PRR16: variants seen among roughly 807,000 people sequenced by gnomAD.
The protein encoded by PRR16 is protein Largen.
In PRR16, 6 loss-of-function variants were observed where a neutral mutation model predicts 18.2. The observed-to-expected ratio is 0.33, with a 90% CI of 0.18 to 0.65. The LOEUF is 0.65. Among genes scored for constraint, PRR16 ranks in the 30% least tolerant of loss-of-function variants. The pLI is 0.74. For synonymous variants in PRR16, 151 were observed against 147.8 expected (o/e 1.02, Z -0.16); for missense variants, 412 against 376.6 (o/e 1.09, Z -0.78).
At chr5:120,743,681 T>C in the PRR16 span, among the ~76,000 whole-genome samples, 1 of 152,142 alleles carries the variant, frequency 6.6e-6, no homozygotes, top group Non-Finnish European at 1.5e-5. Flanking sequence ...ACTTTTACTT[T>C]TTGCTGTATT....
chr5:120,504,580 G>A lies in PRR16; in HGVS notation c.159+39935G>A, dbSNP rs1321674827. Among the ~76,000 whole-genome samples the A allele has an allele frequency of 4.6e-5, 7 of 152,086 alleles. No individual in the cohort carries two copies. In the East Asian group the frequency reaches 9.6e-4, roughly 21 times the overall value. On this transcript the variant is annotated intron_variant, in intron 1 of 1. Coordinates refer to ENST00000407149, the MANE Select transcript of PRR16 (RefSeq NM_001300783.2). ...AAAAGAGCAGTGAGTCGCCCTTCACGGGGTTGACATGGGCGGTGATCATTG... is the reference window on the plus strand; with the variant it reads ...AAAAGAGCAGTGAGTCGCCCTTCACAGGGTTGACATGGGCGGTGATCATTG...
chr5:120,614,018 TCACA>T (rs1754421724), intron 1 of PRR16, among the ~76,000 whole-genome samples: 1 of 152,206 alleles, frequency 6.6e-6, no homozygotes, highest in African/African-American at 2.4e-5. Context: ...TAAAGCATTT[TCACA>T]CACACAGATT....
rs186323433 is a variant in PRR16 at position 120,542,306 on chromosome 5, T to A, written c.159+77661T>A. The stretch of plus-strand genomic sequence containing the variant: ...AACTCGTATGGCATTCTCATCTTTA[T>A]TAATGGTTTCTCAGTATTTTTAAAT... On this transcript the variant is annotated intron_variant, in intron 1 of 1. Transcript: ENST00000407149. 3.1e-3 allele frequency among the ~76,000 whole-genome samples: 478 copies of A among 152,286 alleles called. 3 individuals carry two copies. The highest frequency in any genetic ancestry group is 4.5e-3 in the Admixed American group (68 of 15,270).
intron 1 of PRR16, among the ~76,000 whole-genome samples, chr5:120,682,561 A>T (rs1431451139): frequency 6.6e-6 from 1 of 152,136 alleles, no homozygotes; most frequent in African/African-American, 2.4e-5. Flanking sequence ...TGCCCTCCTA[A>T]AAGACCTGTT....
the PRR16 span, among the ~76,000 whole-genome samples, chr5:120,754,290 AAT>A: frequency 2.7e-5 from 2 of 73,758 alleles, no homozygotes; most frequent in Non-Finnish European, 4.9e-5. Context: ...ATAAATATAT[AAT>A]ATATAATATA....
In PRR16 at chr5:120,605,933, G is replaced by A. The variant is rs1417026429; in HGVS notation, c.160-80021G>A. Among the ~76,000 whole-genome samples, 4 of 152,232 alleles carry A rather than the reference G, an allele frequency of 2.6e-5. No individual in the cohort carries two copies. In the East Asian group the frequency reaches 7.7e-4, roughly 29 times the overall value. ...GTCCATTGGCAACAACACTCCAATG[G>A]GGCTGCCAGCAAAAGCACTCCAGCC... On this transcript the variant is annotated intron_variant, in intron 1 of 1. Coordinates refer to ENST00000407149, the MANE Select transcript of PRR16 (RefSeq NM_001300783.2).
downstream of PRR16, among the ~76,000 whole-genome samples, chr5:120,688,046 C>G (rs186146304): frequency 6.6e-6 from 1 of 152,268 alleles, no homozygotes; most frequent in African/African-American, 2.4e-5. Context: ...TATGGCATAA[C>G]TTGATAAAGA....
chr5:120,565,073 T>C lies in PRR16; in HGVS notation c.159+100428T>C, dbSNP rs905937136. 2.6e-5 allele frequency among the ~76,000 whole-genome samples: 4 copies of C among 152,046 alleles called. No individual in the cohort carries two copies. The East Asian group carries it at 5.8e-4, about 22-fold the overall frequency. ...GTGATGGTGCTTTTCTGTGTACATA[T>C]AGTTGCTAAAATTTTGTGTTCTTGC... is the stretch of plus-strand genomic sequence containing the variant. On this transcript the variant is annotated intron_variant, in intron 1 of 1. Coordinates refer to ENST00000407149, the MANE Select transcript of PRR16 (RefSeq NM_001300783.2).
At chr5:120,713,617 C>T in the PRR16 span, among the ~76,000 whole-genome samples, 4 of 151,906 alleles carry the variant, frequency 2.6e-5, no homozygotes, top group East Asian at 1.9e-4. Flanking sequence ...AATCTGAGTC[C>T]GAAAGGCAGT....
At chr5:120,721,455 GTA>G in the PRR16 span, among the ~76,000 whole-genome samples, 2 of 152,018 alleles carry the variant, frequency 1.3e-5, no homozygotes, top group African/African-American at 4.8e-5. Context: ...TGAGGAGATA[GTA>G]TTTTCAAGCT....
At position 120,669,403 on chromosome 5, in the gene PRR16, T is replaced by C. The variant is rs1459647790; in HGVS notation, c.160-16551T>C. Reference sequence around the variant, plus strand: ...CTCTACTTTGTCATGTATTTGAAAATGGCTTATTGTTTTTTAAAAAAATCC... The same window carrying C: ...CTCTACTTTGTCATGTATTTGAAAACGGCTTATTGTTTTTTAAAAAAATCC... On this transcript the variant is annotated intron_variant, in intron 1 of 1. Transcript: ENST00000407149. Among the ~76,000 whole-genome samples the C allele has an allele frequency of 3.7e-4, 56 of 152,044 alleles. 1 individual carries two copies. The highest frequency in any genetic ancestry group is 3.5e-3 in the Admixed American group (53 of 15,214).
the PRR16 span, chr5:120,790,837 T>G: frequency 7.6e-6 from 1 of 132,392 alleles, no homozygotes; most frequent in East Asian, 2.0e-4. Context: ...ACATTGATTT[T>G]TCTTCTTTCA....
chr5:120,696,482 T>G, the PRR16 span, among the ~76,000 whole-genome samples: 1 of 152,248 alleles, frequency 6.6e-6, no homozygotes, highest in Non-Finnish European at 1.5e-5. Flanking sequence ...TATAGTGTAT[T>G]CAAGTTGAAG....
chr5:120,492,631 T>C (rs1259429630), intron 1 of PRR16, among the ~76,000 whole-genome samples: 1 of 152,112 alleles, frequency 6.6e-6, no homozygotes, highest in Non-Finnish European at 1.5e-5. Flanking sequence ...ATGAGTTGTT[T>C]CATAGTGAAT....
chr5:120,541,128 C>T (rs1257732509), intron 1 of PRR16, among the ~76,000 whole-genome samples: 4 of 151,982 alleles, frequency 2.6e-5, no homozygotes, highest in Middle Eastern at 3.4e-3. Context: ...ATGACTGTTT[C>T]GTTGTTGTTG....
the PRR16 span, among the ~76,000 whole-genome samples, chr5:120,738,636 C>A: frequency 6.6e-6 from 1 of 152,090 alleles, no homozygotes; most frequent in Non-Finnish European, 1.5e-5. Context: ...TAAAAGTTCA[C>A]GGGTTCACAG....
the PRR16 span, among the ~76,000 whole-genome samples, chr5:120,699,573 G>A: frequency 7.2e-5 from 11 of 152,284 alleles, no homozygotes; most frequent in East Asian, 2.1e-3. Flanking sequence ...TCAGGTATGA[G>A]GAAGAAAATA....
chr5:120,784,283 A>T, the PRR16 span, among the ~76,000 whole-genome samples: 2 of 152,172 alleles, frequency 1.3e-5, no homozygotes, highest in Admixed American at 6.5e-5. Context: ...AGGATTCTTC[A>T]TACTATTTTT....
At chr5:120,780,079 G>A in the PRR16 span, among the ~76,000 whole-genome samples, 1 of 151,916 alleles carries the variant, frequency 6.6e-6, no homozygotes, top group East Asian at 1.9e-4. Context: ...TATCCTTTTT[G>A]TTGTTGTTGT....
Sources: gnomAD v4.1 joint callset for allele counts (sites outside exome capture counted in the v4.1 genomes callset) on GRCh38, gnomAD v4.1.1 for gene constraint, MANE v1.5 for transcripts, NCBI Gene and HGNC (gene_info 2026-07-23, HGNC 2026-07-21) for gene names.